The following PDLIM1 variants were observed in gnomAD, a reference collection of about 807,000 sequenced individuals.
PDLIM1 encodes PDZ and LIM domain 1.
In PDLIM1, 25 loss-of-function variants were observed where a neutral mutation model predicts 35.2. That is an observed-to-expected ratio of 0.71 (90% CI 0.52 to 0.99). PDLIM1 has a LOEUF of 0.99. PDLIM1 is among the 50% of genes least tolerant of loss of function. PDLIM1 has a pLI of 0.00. For synonymous variants in PDLIM1, 152 were observed against 154.0 expected (o/e 0.99, Z 0.10); for missense variants, 363 against 415.3 (o/e 0.87, Z 1.09).
intron 1 of PDLIM1, among the ~76,000 whole-genome samples, chr10:95,283,309 C>T (rs1175518515): frequency 6.6e-6 from 1 of 152,146 alleles, no homozygotes; most frequent in Non-Finnish European, 1.5e-5. Flanking sequence ...TGAAGACAAG[C>T]GCTATTATTC....
Position 95,242,255 on chromosome 10 carries a change from C to G in PDLIM1, c.686-3570G>C, listed in dbSNP as rs189823182. 4.9e-3 allele frequency among the ~76,000 whole-genome samples: 750 copies of G among 152,272 alleles called. 1 individual carries two copies. The highest frequency in any genetic ancestry group is 0.014 in the Middle Eastern group (4 of 294). On this transcript the variant is annotated intron_variant, in intron 5 of 6. Transcript: ENST00000329399. ...AGGGCAACTTCTTGCCCTTCCCAAG[C>G]CTTCCTCCCTTCCTTTGGGAGGAGG...
At position 95,237,922 on chromosome 10, in the gene PDLIM1, G is replaced by A. The variant is rs2035140018; in HGVS notation, c.*3C>T. On this transcript the variant is annotated 3_prime_UTR_variant, in exon 7 of 7. Transcript: ENST00000329399. ...CTGGAGAACAGTGGTCAGATCTGCT[G>A]GCTCACTTGGGGAACACAGTGACCA... 1.2e-6 allele frequency: 2 copies of A among 1,613,082 alleles called. No homozygotes were observed. The highest frequency in any genetic ancestry group is 1.7e-6 in the Non-Finnish European group (2 of 1,179,144).
intron 3 of PDLIM1, among the ~76,000 whole-genome samples, chr10:95,266,120 TCAGGAGG>T (rs2133428177): frequency 6.7e-6 from 1 of 149,276 alleles, no homozygotes; most frequent in South Asian, 2.1e-4. Flanking sequence ...TCACTTGAAC[TCAGGAGG>T]CAGAGGTTGC....
intron 1 of PDLIM1, among the ~76,000 whole-genome samples, chr10:95,279,026 C>A (rs186730165): frequency 2.0e-5 from 3 of 152,294 alleles, no homozygotes; most frequent in South Asian, 2.1e-4. Flanking sequence ...ATGGACCCAG[C>A]CAACAGTCTT....
intron 4 of PDLIM1, among the ~76,000 whole-genome samples, chr10:95,256,986 A>AAGAAAG (rs566598672): frequency 6.5e-5 from 4 of 61,664 alleles, no homozygotes; most frequent in African/African-American, 1.3e-4. Context: ...AAAAAAAAAA[A>AAGAAAG]AAAGAAAGAA....
chr10:95,237,888 A>T lies in PDLIM1; in HGVS notation c.*37T>A, dbSNP rs776670674. 4 of 1,580,990 alleles carry T rather than the reference A, an allele frequency of 2.5e-6. No individual in the cohort carries two copies. Among genetic ancestry groups the T allele is most frequent in the Non-Finnish European group, 3.5e-6 (4 of 1,153,286 alleles). On this transcript the variant is annotated 3_prime_UTR_variant, in exon 7 of 7. Transcript: ENST00000329399. ...GAACACTGAGAGAAAAAGCTGCAGC[A>T]GAGGCCTGCTGGAGAACAGTGGTCA...
Position 95,238,704 on chromosome 10 carries a change from T to G in PDLIM1, c.686-19A>C. ...GGATCCCCTGAAATGAGGAAAACACTGTCATTGGCCAGGAAGGGCAGAATT... is the reference window on the plus strand; with the variant it reads ...GGATCCCCTGAAATGAGGAAAACACGGTCATTGGCCAGGAAGGGCAGAATT... On this transcript the variant is annotated intron_variant, in intron 5 of 6. Coordinates refer to ENST00000329399, the MANE Select transcript of PDLIM1 (RefSeq NM_020992.4). The G allele has an allele frequency of 6.8e-7, 1 of 1,471,714 alleles. No individual in the cohort carries two copies. Among genetic ancestry groups the G allele is most frequent in the Non-Finnish European group, 9.5e-7 (1 of 1,049,936 alleles). 91.2% of individuals were successfully genotyped at this position (1,471,714 alleles called of 1,614,324 possible). A position where few individuals can be genotyped will look rare whatever the true frequency, so the allele number is the denominator to read the frequency against.
intron 1 of PDLIM1, among the ~76,000 whole-genome samples, chr10:95,283,240 T>C (rs537115309): frequency 6.6e-6 from 1 of 152,338 alleles, no homozygotes; most frequent in South Asian, 2.1e-4. Context: ...TAATATTTAA[T>C]AGTTTAATAG....
At chr10:95,279,790 T>C (rs34824270) in intron 1 of PDLIM1, among the ~76,000 whole-genome samples, 39,160 of 152,156 alleles carry the variant, frequency 0.26, 5,809 homozygotes, top group East Asian at 0.5. Flanking sequence ...GCAACATTCT[T>C]ATTTAATTCT....
chr10:95,274,234 C>A (rs546976062), intron 1 of PDLIM1, among the ~76,000 whole-genome samples: 6 of 151,460 alleles, frequency 4.0e-5, no homozygotes, highest in African/African-American at 9.7e-5. Flanking sequence ...TGTAAACAAC[C>A]CTTCTTCTCA....
chr10:95,284,589 G>C (rs950809431), intron 1 of PDLIM1, among the ~76,000 whole-genome samples: 5 of 152,098 alleles, frequency 3.3e-5, no homozygotes, highest in Admixed American at 3.3e-4. Flanking sequence ...CCTGACCTCA[G>C]GTGATTCACC....
intron 3 of PDLIM1, among the ~76,000 whole-genome samples, chr10:95,266,404 TTTC>T (rs1175229662): frequency 4.6e-5 from 7 of 152,136 alleles, no homozygotes; most frequent in Admixed American, 3.3e-4. Flanking sequence ...ATGGTCATTC[TTTC>T]TTCTTCTCTC....
chr10:95,253,977 T>G (rs1287228284), intron 4 of PDLIM1, among the ~76,000 whole-genome samples: 1 of 151,960 alleles, frequency 6.6e-6, no homozygotes, highest in East Asian at 1.9e-4. Context: ...ACTGAAAAGG[T>G]TATACAAAGA....
At chr10:95,260,593 C>G (rs555808149) in intron 4 of PDLIM1, among the ~76,000 whole-genome samples, 33 of 152,264 alleles carry the variant, frequency 2.2e-4, no homozygotes, top group Non-Finnish European at 4.1e-4. Context: ...ACCTGCCTTA[C>G]CAGTTGGCAA....
chr10:95,284,418 AT>A (rs983613317), intron 1 of PDLIM1, among the ~76,000 whole-genome samples: 48 of 151,688 alleles, frequency 3.2e-4, no homozygotes, highest in African/African-American at 1.2e-3. Context: ...CAGTGGCGTG[AT>A]TTCAACTCAC....
chr10:95,251,914 G>T (rs45438797), intron 4 of PDLIM1, among the ~76,000 whole-genome samples: 2 of 152,178 alleles, frequency 1.3e-5, no homozygotes, highest in Non-Finnish European at 2.9e-5. Context: ...TCCCAGACAT[G>T]GAGCGGAGGG....
rs554493660 is a variant in PDLIM1 at position 95,244,703 on chromosome 10, C to G, written c.685+2512G>C. ...TCACCTGAGGTCACAAGTTCAAGAC[C>G]ACCCTGGCCAACATGGAGAAACCCC... On this transcript the variant is annotated intron_variant, in intron 5 of 6. Transcript: ENST00000329399. Among the ~76,000 whole-genome samples the G allele has an allele frequency of 2.2e-3, 328 of 152,156 alleles. 3 individuals are homozygous for G. Among genetic ancestry groups the G allele is most frequent in the African/African-American group, 7.6e-3 (315 of 41,510 alleles).
At chr10:95,255,933 ACAC>A (rs1409578008) in intron 4 of PDLIM1, among the ~76,000 whole-genome samples, 2 of 151,994 alleles carry the variant, frequency 1.3e-5, no homozygotes, top group African/African-American at 2.4e-5. Flanking sequence ...ACACACACAC[ACAC>A]AATTGGAACT....
chr10:95,268,219 A>G (rs2035431448), intron 3 of PDLIM1, among the ~76,000 whole-genome samples: 1 of 152,054 alleles, frequency 6.6e-6, no homozygotes, highest in Non-Finnish European at 1.5e-5. Context: ...TACACTATGT[A>G]CTGCTTTTTT....
Sources: allele counts gnomAD v4.1 joint callset (sites outside exome capture counted in the v4.1 genomes callset), GRCh38; gene constraint gnomAD v4.1.1; transcripts MANE v1.5; gene names NCBI Gene and HGNC (gene_info 2026-07-23, HGNC 2026-07-21).